SLC12A6: variants seen among roughly 807,000 people sequenced by gnomAD.
SLC12A6 encodes K-Cl cotransporter 3.
SLC12A6 carries 66 observed loss-of-function variants against 135.3 expected under a neutral mutation model. The ratio of observed to expected loss-of-function variants is 0.49; its 90% CI spans 0.40 to 0.60. The LOEUF (loss-of-function observed/expected upper bound fraction) is 0.60. SLC12A6 is among the 20% of genes least tolerant of loss of function. The pLI is 0.00. For synonymous variants in SLC12A6, 513 were observed against 508.8 expected (o/e 1.01, Z -0.11); for missense variants, 1,058 against 1,452.3 (o/e 0.73, Z 4.41).
chr15:34,324,844 G>C (rs1270785363), intron 2 of SLC12A6, among the ~76,000 whole-genome samples: 1 of 151,846 alleles, frequency 6.6e-6, no homozygotes, highest in Non-Finnish European at 1.5e-5. Flanking sequence ...AATTATCTCT[G>C]GTAAAGAACT....
At chr15:34,326,353 C>A (rs915434061) in intron 2 of SLC12A6, among the ~76,000 whole-genome samples, 1 of 152,056 alleles carries the variant, frequency 6.6e-6, no homozygotes, top group Non-Finnish European at 1.5e-5. Context: ...AAAACGGGCT[C>A]CTAGTCAACA....
intron 2 of SLC12A6, among the ~76,000 whole-genome samples, chr15:34,304,604 A>C (rs1896476111): frequency 6.6e-6 from 1 of 152,054 alleles, no homozygotes; most frequent in South Asian, 2.1e-4. Flanking sequence ...ACTGTACCTC[A>C]TTTTGGTTTT....
chr15:34,297,639 T>C (rs1895962316), intron 2 of SLC12A6, among the ~76,000 whole-genome samples: 1 of 152,124 alleles, frequency 6.6e-6, no homozygotes, highest in Non-Finnish European at 1.5e-5. Context: ...ACGTGCAACA[T>C]TGATCAAGGC....
intron 20 of SLC12A6, 22 bp from the exon 21 acceptor site, chr15:34,238,423 C>CA (rs777823160): frequency 1.2e-5 from 19 of 1,598,476 alleles, no homozygotes; most frequent in Non-Finnish European, 1.5e-5. Context: ...AAAGAATAAG[C>CA]AGAGAAGAAT....
chr15:34,273,313 C>T (rs2126421), intron 3 of SLC12A6, among the ~76,000 whole-genome samples: 20,407 of 152,078 alleles, frequency 0.13, 1,499 homozygotes, highest in East Asian at 0.32. Flanking sequence ...ATCGTGCCAC[C>T]GCACTCCAGC....
At chr15:34,308,267 T>C (rs1168667775) in intron 2 of SLC12A6, among the ~76,000 whole-genome samples, 1 of 152,150 alleles carries the variant, frequency 6.6e-6, no homozygotes, top group Non-Finnish European at 1.5e-5. Flanking sequence ...TTAAGTCTCT[T>C]ATTTCTATCT....
chr15:34,233,919 G>T lies in SLC12A6; in HGVS notation c.3415C>A (p.Arg1139=). ...GTGATCACTTCACTGCCACCACCCCGGACAAGTAGGACTCGCTCTAGTCCC... is the reference window on the plus strand; with the variant it reads ...GTGATCACTTCACTGCCACCACCCCTGACAAGTAGGACTCGCTCTAGTCCC... ...TEGLERVLLV[R]GGGSEVITIY... Residue 1139 remains arginine, a synonymous_variant, in exon 26 of 26, where the codon CGG becomes AGG. Coordinates refer to ENST00000354181, the MANE Select transcript of SLC12A6 (RefSeq NM_001365088.1). 1 of 1,606,404 alleles carries T rather than the reference G, an allele frequency of 6.2e-7. No homozygotes were observed. Among genetic ancestry groups the T allele is most frequent in the Non-Finnish European group, 8.5e-7 (1 of 1,172,940 alleles).
In SLC12A6 at chr15:34,231,651, G is replaced by GC. The variant is rs1205845858; in HGVS notation, c.*2229dup. 1.3e-5 allele frequency: 2 copies of GC among 148,884 alleles called. No homozygotes were observed. The highest frequency in any genetic ancestry group is 3.0e-5 in the Non-Finnish European group (2 of 67,526). 9.2% of individuals were successfully genotyped at this position (148,884 alleles called of 1,614,324 possible). A position where few individuals can be genotyped will look rare whatever the true frequency, so the allele number is the denominator to read the frequency against. ...GTCGCCCAGGCTGGAGTGCAGTGGTGCAATCTCGGTTCACTGCAAGTTCCA... is the reference window on the plus strand; with the variant it reads ...GTCGCCCAGGCTGGAGTGCAGTGGTGCCAATCTCGGTTCACTGCAAGTTCCA... On this transcript the variant is annotated 3_prime_UTR_variant, in exon 26 of 26. Coordinates refer to ENST00000354181, the MANE Select transcript of SLC12A6 (RefSeq NM_001365088.1).
chr15:34,318,686 G>A, intron 2 of SLC12A6: 1 of 1,613,484 alleles, frequency 6.2e-7, no homozygotes, highest in Non-Finnish European at 8.5e-7. Flanking sequence ...CATTGTTATA[G>A]TTAGATAATA....
chr15:34,248,915 CAGACAAATGTGTTTATACGTGG>C (rs1250883358), intron 13 of SLC12A6, among the ~76,000 whole-genome samples: 2 of 152,196 alleles, frequency 1.3e-5, no homozygotes, highest in African/African-American at 4.8e-5. Flanking sequence ...GGAAATAACA[CAGACAAATGTGTTTATACGTGG>C]AGACATAATA....
Position 34,231,690 on chromosome 15 carries a change from C to G in SLC12A6, c.*2191G>C, listed in dbSNP as rs1354909348. 1 of 151,168 alleles carries G rather than the reference C, an allele frequency of 6.6e-6. No homozygotes were observed. The highest frequency in any genetic ancestry group is 1.5e-5 in the Non-Finnish European group (1 of 67,840). The allele number at this position is 151,168 out of a possible 1,614,324, so 9.4% of individuals were successfully genotyped here. On this transcript the variant is annotated 3_prime_UTR_variant, in exon 26 of 26. Coordinates refer to ENST00000354181, the MANE Select transcript of SLC12A6 (RefSeq NM_001365088.1). ...CTGCAAGTTCCACCTCCCGGGTTCA[C>G]GCCATTCTCCCGCCTCAGCCTCCCA...
intron 2 of SLC12A6, among the ~76,000 whole-genome samples, chr15:34,300,942 G>A (rs1474245322): frequency 2.0e-5 from 3 of 152,092 alleles, no homozygotes; most frequent in Non-Finnish European, 4.4e-5. Context: ...TACAGACAGA[G>A]CTTCATGTAA....
chr15:34,304,773 T>C (rs1163555870), intron 2 of SLC12A6, among the ~76,000 whole-genome samples: 3 of 152,226 alleles, frequency 2.0e-5, no homozygotes, highest in Non-Finnish European at 2.9e-5. Context: ...TAAATATTAT[T>C]GTTCTCTGAA....
intron 11 of SLC12A6, 85 bp from the exon 12 acceptor site, chr15:34,250,814 A>G: frequency 7.2e-7 from 1 of 1,395,916 alleles, no homozygotes; most frequent in East Asian, 2.3e-5. Flanking sequence ...AAGCAAATCT[A>G]GGAACCCTGA....
chr15:34,233,998 C>T, intron 25 of SLC12A6, 26 bp from the exon 26 acceptor site: 1 of 1,215,234 alleles, frequency 8.2e-7, no homozygotes, highest in Non-Finnish European at 1.2e-6. Context: ...AGGAGACAGG[C>T]AAAAGAAGAG....
intron 2 of SLC12A6, among the ~76,000 whole-genome samples, chr15:34,307,469 T>C (rs975054763): frequency 6.6e-6 from 1 of 152,224 alleles, no homozygotes; most frequent in Non-Finnish European, 1.5e-5. Flanking sequence ...CAATTATTTT[T>C]CTTTGTTTTT....
chr15:34,259,044 A>C, intron 4 of SLC12A6, 100 bp from the exon 5 acceptor site: 2 of 1,051,766 alleles, frequency 1.9e-6, no homozygotes, highest in Non-Finnish European at 2.9e-6. Context: ...AAATGAAAAA[A>C]TATTTCACAG....
At chr15:34,335,146 T>C (rs1890116380) in intron 2 of SLC12A6, among the ~76,000 whole-genome samples, 1 of 152,274 alleles carries the variant, frequency 6.6e-6, no homozygotes, top group Admixed American at 6.5e-5. Context: ...TATTCCATAC[T>C]GTAATTTTAA....
intron 1 of SLC12A6, 135 bp from the exon 2 acceptor site, chr15:34,336,887 G>C: frequency 1.7e-6 from 1 of 603,748 alleles, no homozygotes; most frequent in South Asian, 2.0e-5. Context: ...ACCAATAGGT[G>C]AATATATTTT....
Sources: gnomAD v4.1 joint callset for allele counts (sites outside exome capture counted in the v4.1 genomes callset) on GRCh38, gnomAD v4.1.1 for gene constraint, MANE v1.5 for transcripts, NCBI Gene and HGNC (gene_info 2026-07-23, HGNC 2026-07-21) for gene names.